Variants in ABCC4 observed in about 807,000 individuals in gnomAD.
The protein encoded by ABCC4 is ATP binding cassette subfamily C member 4 (PEL blood group), also known as ATP-binding cassette sub-family C member 4.
ABCC4 carries 102 observed loss-of-function variants against 168.5 expected under a neutral mutation model. The ratio of observed to expected loss-of-function variants is 0.61; its 90% confidence interval spans 0.52 to 0.71. The LOEUF (loss-of-function observed/expected upper bound fraction) is 0.71, where lower values mean the gene tolerates loss of function less well. Among genes scored for constraint, ABCC4 ranks in the 30% least tolerant of loss-of-function variants. The pLI, the probability that ABCC4 is intolerant of heterozygous loss-of-function variation, is 0.00. For missense variants in ABCC4, 1,402 were observed against 1,605.8 expected (o/e 0.87, Z 2.17); for synonymous variants, 617 against 590.7 (o/e 1.04, Z -0.65).
intron 4 of ABCC4, 66 bp from the exon 5 acceptor site, chr13:95,210,847 A>G (rs1233007524): frequency 8.2e-7 from 1 of 1,212,164 alleles, no homozygotes; most frequent in Non-Finnish European, 1.2e-6. Flanking sequence ...CTTAGGACAC[A>G]GCAGACCTGA....
intron 27 of ABCC4, among the ~76,000 whole-genome samples, chr13:95,046,758 G>C (rs2139248712): frequency 6.6e-6 from 1 of 151,470 alleles, no homozygotes; most frequent in Non-Finnish European, 1.5e-5. Flanking sequence ...GTAAGACTCT[G>C]TCTCAATTAA....
intron 27 of ABCC4, among the ~76,000 whole-genome samples, chr13:95,050,380 T>C (rs1204792552): frequency 6.6e-6 from 1 of 152,094 alleles, no homozygotes; most frequent in Non-Finnish European, 1.5e-5. Flanking sequence ...CCTGACCATC[T>C]AGAAGGTAAA....
At chr13:95,278,080 C>T (rs570937567) in intron 1 of ABCC4, among the ~76,000 whole-genome samples, 90 of 151,966 alleles carry the variant, frequency 5.9e-4, no homozygotes, top group African/African-American at 1.2e-3. Flanking sequence ...GAGGAGAGAA[C>T]GCCGCATGCC....
chr13:95,064,251 T>G (rs1352135511), intron 25 of ABCC4, among the ~76,000 whole-genome samples: 1 of 7,930 alleles, frequency 1.3e-4, no homozygotes, highest in Non-Finnish European at 2.3e-4. Flanking sequence ...TCCGGGTGTG[T>G]GTGTGTGTGT....
At chr13:95,054,399 G>A (rs1410876826) in intron 26 of ABCC4, among the ~76,000 whole-genome samples, 1 of 151,702 alleles carries the variant, frequency 6.6e-6, no homozygotes, top group Non-Finnish European at 1.5e-5. Flanking sequence ...TTTTCTTCTG[G>A]TAGCTGGGTG....
At chr13:95,051,226 A>G (rs1344039880) in intron 27 of ABCC4, among the ~76,000 whole-genome samples, 1 of 152,240 alleles carries the variant, frequency 6.6e-6, no homozygotes, top group East Asian at 1.9e-4. Context: ...GGACTCGGCA[A>G]TGACATGCCT....
chr13:95,068,404 T>C (rs757954148), intron 25 of ABCC4, among the ~76,000 whole-genome samples: 21 of 152,050 alleles, frequency 1.4e-4, no homozygotes, highest in African/African-American at 4.1e-4. Context: ...GGCAGGTGGA[T>C]TGCTTGAGGT....
At chr13:95,057,246 ATT>A (rs112402613) in intron 26 of ABCC4, among the ~76,000 whole-genome samples, 14 of 148,108 alleles carry the variant, frequency 9.5e-5, no homozygotes, top group South Asian at 4.3e-4. Flanking sequence ...AGAATTCAGT[ATT>A]TTTTTTTTTT....
chr13:95,206,926 A>G (rs1411657427), intron 7 of ABCC4, 145 bp from the exon 8 acceptor site: 1 of 904,512 alleles, frequency 1.1e-6, no homozygotes. Flanking sequence ...ACAACAACAA[A>G]AAAGTGCAAA....
chr13:95,129,936 G>A (rs931751125), intron 19 of ABCC4, among the ~76,000 whole-genome samples: 82 of 152,160 alleles, frequency 5.4e-4, no homozygotes, highest in Middle Eastern at 6.8e-3. Context: ...TTATTTGAGT[G>A]CAGTGGCACA....
At chr13:95,091,901 C>T (rs2034447068) in intron 20 of ABCC4, among the ~76,000 whole-genome samples, 1 of 152,150 alleles carries the variant, frequency 6.6e-6, no homozygotes, top group South Asian at 2.1e-4. Context: ...ACTCACCAAC[C>T]AATCTGCTGC....
At chr13:95,145,856 C>T (rs1258051008) in intron 19 of ABCC4, among the ~76,000 whole-genome samples, 3 of 152,064 alleles carry the variant, frequency 2.0e-5, no homozygotes, top group African/African-American at 7.2e-5. Flanking sequence ...AACAGAAAAC[C>T]AAATATCACA....
At chr13:95,037,898 C>T (rs2032189497) in intron 29 of ABCC4, among the ~76,000 whole-genome samples, 1 of 152,108 alleles carries the variant, frequency 6.6e-6, no homozygotes, top group African/African-American at 2.4e-5. Context: ...TAGAGTCTCA[C>T]TCTGTTACCC....
chr13:95,176,244 G>GGGGGGGGGGT lies in ABCC4; in HGVS notation c.1727+1462_1727+1463insACCCCCCCCC, dbSNP rs1317252304. ...AGGGCAGGGGGGGGGGGGGGGGGGG[G>GGGGGGGGGGT]GTGGATCCCTTGAGCCCAGGAGTTC... On this transcript the variant is annotated intron_variant, in intron 13 of 30. Coordinates refer to ENST00000645237, the MANE Select transcript of ABCC4 (RefSeq NM_005845.5). Among the ~76,000 whole-genome samples, 5 of 44,960 alleles carry GGGGGGGGGGT rather than the reference G, an allele frequency of 1.1e-4. 1 individual carries two copies. The highest frequency in any genetic ancestry group is 1.7e-4 in the African/African-American group (2 of 11,908). 29.5% of individuals were successfully genotyped at this position (44,960 alleles called of 152,430 possible). A position where few individuals can be genotyped will look rare whatever the true frequency, so the allele number is the denominator to read the frequency against.
chr13:95,155,594 T>C (rs931309411), intron 19 of ABCC4, among the ~76,000 whole-genome samples: 2 of 152,162 alleles, frequency 1.3e-5, no homozygotes, highest in East Asian at 3.9e-4. Flanking sequence ...TCTGGTTTTT[T>C]TGTTACACTG....
chr13:95,215,328 G>A (rs1338245782), intron 4 of ABCC4, among the ~76,000 whole-genome samples: 3 of 152,000 alleles, frequency 2.0e-5, no homozygotes, highest in Non-Finnish European at 2.9e-5. Context: ...TTGAACCCAC[G>A]AGGCGGAGGT....
intron 14 of ABCC4, among the ~76,000 whole-genome samples, chr13:95,169,491 G>C (rs996879975): frequency 5.1e-4 from 78 of 152,128 alleles, no homozygotes; most frequent in African/African-American, 1.8e-3. Context: ...GGCTTGCTCT[G>C]CTCCTCCCTG....
chr13:95,032,965 C>CTTTTTTTTT (rs74329595), intron 30 of ABCC4, among the ~76,000 whole-genome samples: 3 of 86,238 alleles, frequency 3.5e-5, no homozygotes, highest in Admixed American at 1.3e-4. Flanking sequence ...CACGCCTGGT[C>CTTTTTTTTT]TTTTTTTTTT....
chr13:95,109,783 A>C (rs2035140300), intron 20 of ABCC4, among the ~76,000 whole-genome samples: 1 of 152,156 alleles, frequency 6.6e-6, no homozygotes, highest in Non-Finnish European at 1.5e-5. Flanking sequence ...ACTGCTTTCT[A>C]TCTGTCCCTC....
Sources: allele counts gnomAD v4.1 joint callset (sites outside exome capture counted in the v4.1 genomes callset), GRCh38; gene constraint gnomAD v4.1.1; transcripts MANE v1.5; gene names NCBI Gene and HGNC (gene_info 2026-07-23, HGNC 2026-07-21).